Variants in SRGAP2 observed in about 807,000 individuals in gnomAD.
SRGAP2 encodes the protein SLIT-ROBO Rho GTPase-activating protein 2.
A neutral mutation model predicts 57.2 loss-of-function variants in SRGAP2; 15 were observed. The observed-to-expected ratio is 0.26, with a 90% CI of 0.18 to 0.40. The LOEUF (loss-of-function observed/expected upper bound fraction) is 0.40, where lower values mean the gene tolerates loss of function less well. SRGAP2 is among the 10% of genes least tolerant of loss of function. The pLI is 1.00. For missense variants in SRGAP2, 520 were observed against 669.6 expected (o/e 0.78, Z 2.47); for synonymous variants, 249 against 248.0 (o/e 1.00, Z -0.04).
chr1:206,397,375 A>AT (rs1445624732), intron 7 of SRGAP2, among the ~76,000 whole-genome samples: 1 of 151,748 alleles, frequency 6.6e-6, no homozygotes, highest in Admixed American at 6.6e-5. Flanking sequence ...AACATTATTC[A>AT]TTACTTGCTT....
intron 10 of SRGAP2, among the ~76,000 whole-genome samples, chr1:206,413,681 G>A (rs1659415756): frequency 6.6e-6 from 1 of 152,206 alleles, no homozygotes; most frequent in South Asian, 2.1e-4. Context: ...TGCATTTATT[G>A]AGTATCTGCT....
intron 13 of SRGAP2, among the ~76,000 whole-genome samples, chr1:206,424,708 G>A (rs1660638307): frequency 2.0e-5 from 3 of 152,220 alleles, no homozygotes; most frequent in South Asian, 4.1e-4. Flanking sequence ...TGCAAGGGCA[G>A]TGGTGAAGTG....
intron 2 of SRGAP2, among the ~76,000 whole-genome samples, chr1:206,302,451 A>G: frequency 6.6e-6 from 1 of 151,410 alleles, no homozygotes; most frequent in Middle Eastern, 3.4e-3. Context: ...TGCATGCTAG[A>G]GCTTAACCAG....
chr1:206,414,518 A>G (rs1221735817), intron 10 of SRGAP2, among the ~76,000 whole-genome samples: 2 of 152,196 alleles, frequency 1.3e-5, no homozygotes, highest in Admixed American at 6.5e-5. Flanking sequence ...TAATTCACGG[A>G]TCACACTTTG....
At chr1:206,348,005 A>G (rs1553337348) in intron 4 of SRGAP2, among the ~76,000 whole-genome samples, 7 of 150,068 alleles carry the variant, frequency 4.7e-5, no homozygotes, top group Non-Finnish European at 1.5e-5. Flanking sequence ...TAATTTAGCT[A>G]ATTTAGGGAT....
At chr1:206,459,931 C>T (rs1664125309) in intron 22 of SRGAP2, among the ~76,000 whole-genome samples, 1 of 152,178 alleles carries the variant, frequency 6.6e-6, no homozygotes, top group East Asian at 1.9e-4. Context: ...GGGAATCCTC[C>T]CAGCTCCCTC....
At chr1:206,417,969 G>A (rs1212590171) in intron 11 of SRGAP2, among the ~76,000 whole-genome samples, 4 of 150,916 alleles carry the variant, frequency 2.7e-5, no homozygotes, top group South Asian at 2.1e-4. Context: ...ATTCATATGC[G>A]CTCACATTTG....
chr1:206,332,548 T>TTTCA (rs1369418753), intron 3 of SRGAP2, among the ~76,000 whole-genome samples: 1 of 149,628 alleles, frequency 6.7e-6, no homozygotes, highest in Non-Finnish European at 1.5e-5. Flanking sequence ...TCTCGCTTCC[T>TTTCA]TTCATTCATT....
intron 16 of SRGAP2, among the ~76,000 whole-genome samples, chr1:206,438,894 G>A (rs1399454476): frequency 3.3e-5 from 5 of 152,180 alleles, no homozygotes; most frequent in African/African-American, 9.7e-5. Flanking sequence ...TCTGCCCTGA[G>A]TACTTGTCCC....
intron 18 of SRGAP2, among the ~76,000 whole-genome samples, chr1:206,447,560 C>T (rs1243464172): frequency 6.6e-6 from 1 of 152,162 alleles, no homozygotes; most frequent in Non-Finnish European, 1.5e-5. Context: ...TTGTCACCGA[C>T]AGATGGTTGG....
rs373713685 is a variant in SRGAP2 at position 206,461,279 on chromosome 1, C to A, written c.3075C>A (p.Val1025=). Residue 1025 remains valine (V), a synonymous_variant, in exon 23 of 23, where the codon GTC becomes GTA. Transcript: ENST00000573034. ...AGDIACAFRP[V]KSVKMAAPVK... ...ACATCGCCTGCGCCTTCCGGCCTGT[C>A]AAGTCTGTCAAGATGGCTGCCCCGG... The A allele has an allele frequency of 2.6e-6, 2 of 780,844 alleles. No homozygotes were observed. Among genetic ancestry groups the A allele is most frequent in the Non-Finnish European group, 4.8e-6 (2 of 418,012 alleles). 48.4% of individuals were successfully genotyped at this position (780,844 alleles called of 1,614,324 possible).
chr1:206,410,229 G>A (rs12092084), intron 10 of SRGAP2, among the ~76,000 whole-genome samples: 1 of 152,176 alleles, frequency 6.6e-6, no homozygotes, highest in Non-Finnish European at 1.5e-5. Flanking sequence ...AGAAGCAGAG[G>A]TGAAGGGAAG....
intron 14 of SRGAP2, among the ~76,000 whole-genome samples, chr1:206,430,811 G>A (rs1015675788): frequency 6.6e-6 from 1 of 152,168 alleles, no homozygotes; most frequent in Admixed American, 6.5e-5. Flanking sequence ...CTTGGATGAA[G>A]CTGAATCTTA....
intron 19 of SRGAP2, among the ~76,000 whole-genome samples, chr1:206,451,575 GAA>G: frequency 7.2e-6 from 1 of 139,010 alleles, no homozygotes. Context: ...TTTCAAAGGA[GAA>G]AAAAAAAAAA....
intron 4 of SRGAP2, among the ~76,000 whole-genome samples, chr1:206,369,094 G>T (rs1654293146): frequency 6.6e-6 from 1 of 152,034 alleles, no homozygotes; most frequent in African/African-American, 2.4e-5. Flanking sequence ...AGGCCTATGA[G>T]GAAATAAGAA....
In SRGAP2 at chr1:206,463,136, G is replaced by A. The variant is rs1553381559; in HGVS notation, c.*1716G>A. Reference sequence around the variant, plus strand: ...TGCGAAATTGGTAGTTAGGTCTATGGAAAGTGGTAGGATTTTTTTTTTTTT... The same window carrying A: ...TGCGAAATTGGTAGTTAGGTCTATGAAAAGTGGTAGGATTTTTTTTTTTTT... On this transcript the variant is annotated 3_prime_UTR_variant, in exon 23 of 23. Coordinates refer to ENST00000573034, the MANE Select transcript of SRGAP2 (RefSeq NM_015326.5). 1.5e-5 allele frequency: 2 copies of A among 131,538 alleles called. No individual in the cohort carries two copies. The allele number at this position is 131,538 out of a possible 1,614,324, so 8.1% of individuals were successfully genotyped here.
intron 21 of SRGAP2, among the ~76,000 whole-genome samples, chr1:206,456,373 G>A (rs1417449275): frequency 1.3e-5 from 2 of 152,120 alleles, no homozygotes. Context: ...CTGCTGGGAG[G>A]GCAAGCCAAT....
At chr1:206,447,634 G>C (rs1344399751) in intron 18 of SRGAP2, among the ~76,000 whole-genome samples, 2 of 152,210 alleles carry the variant, frequency 1.3e-5, no homozygotes, top group Non-Finnish European at 2.9e-5. Context: ...GCTCCAGGGA[G>C]CTGTCCTTGT....
At chr1:206,435,476 C>T (rs1661645094) in intron 14 of SRGAP2, among the ~76,000 whole-genome samples, 1 of 152,212 alleles carries the variant, frequency 6.6e-6, no homozygotes, top group African/African-American at 2.4e-5. Flanking sequence ...CTAGTCCAGT[C>T]CAACCCCTGG....
Sources: allele counts gnomAD v4.1 joint callset (sites outside exome capture counted in the v4.1 genomes callset), GRCh38; gene constraint gnomAD v4.1.1; transcripts MANE v1.5; gene names NCBI Gene and HGNC (gene_info 2026-07-23, HGNC 2026-07-21).